Variants in B3GALT1 observed in about 807,000 individuals in gnomAD.
B3GALT1 encodes the protein UDP-Gal:betaGlcNAc beta 1,3-galactosyltransferase, polypeptide 1.
B3GALT1 carries 10 observed loss-of-function variants against 23.2 expected under a neutral mutation model. The observed-to-expected ratio is 0.43, with a 90% CI of 0.27 to 0.73. The LOEUF (loss-of-function observed/expected upper bound fraction) is 0.73, where lower values mean the gene tolerates loss of function less well. Among genes scored for constraint, B3GALT1 ranks in the 30% least tolerant of loss-of-function variants. The pLI, the probability that B3GALT1 is intolerant of heterozygous loss-of-function variation, is 0.21. For synonymous variants in B3GALT1, 156 were observed against 141.5 expected (o/e 1.10, Z -0.73); for missense variants, 299 against 405.4 (o/e 0.74, Z 2.25).
intron 3 of B3GALT1, among the ~76,000 whole-genome samples, chr2:167,723,869 C>A (rs900116825): frequency 6.6e-6 from 1 of 152,168 alleles, no homozygotes. Flanking sequence ...GTTTGAACTT[C>A]ATCTCATTAG....
chr2:167,427,213 G>A (rs1301820805), intron 1 of B3GALT1, among the ~76,000 whole-genome samples: 1 of 152,216 alleles, frequency 6.6e-6, no homozygotes, highest in Non-Finnish European at 1.5e-5. Context: ...GTACTCTGAA[G>A]TGAAGACAGT....
intron 3 of B3GALT1, among the ~76,000 whole-genome samples, chr2:167,688,303 A>T (rs1384149677): frequency 6.6e-6 from 1 of 152,198 alleles, no homozygotes; most frequent in Non-Finnish European, 1.5e-5. Context: ...CAATCAATAG[A>T]TACTAAAACA....
chr2:167,772,671 T>A (rs1688092493), intron 3 of B3GALT1, among the ~76,000 whole-genome samples: 1 of 152,232 alleles, frequency 6.6e-6, no homozygotes, highest in African/African-American at 2.4e-5. Flanking sequence ...GCATATATAT[T>A]TCAGTTTGCA....
chr2:167,686,983 T>A (rs530627314), intron 3 of B3GALT1, among the ~76,000 whole-genome samples: 1 of 152,292 alleles, frequency 6.6e-6, no homozygotes, highest in African/African-American at 2.4e-5. Context: ...CAGGAAGAGA[T>A]CTTTATTGTC....
At position 167,788,096 on chromosome 2, in the gene B3GALT1, G is replaced by A. The variant is rs142677227; in HGVS notation, c.-351-30576G>A. On this transcript the variant is annotated intron_variant, in intron 3 of 4. Coordinates refer to ENST00000392690, the MANE Select transcript of B3GALT1 (RefSeq NM_020981.4). ...GAGAGGAGAAGAGAAAAGTGGAATC[G>A]TGGTGCAAAAGGAGATGCCCCATCC... Among the ~76,000 whole-genome samples, 23 of 152,220 alleles carry A rather than the reference G, an allele frequency of 1.5e-4. No homozygotes were observed. The East Asian group carries it at 1.7e-3, about 12-fold the overall frequency.
chr2:167,396,436 T>C, intron 1 of B3GALT1, among the ~76,000 whole-genome samples: 1 of 151,778 alleles, frequency 6.6e-6, no homozygotes, highest in East Asian at 1.9e-4. Flanking sequence ...ATCTTTACTA[T>C]TTAGAACTCT....
chr2:167,368,896 C>T (rs897327444), intron 1 of B3GALT1, among the ~76,000 whole-genome samples: 3 of 152,102 alleles, frequency 2.0e-5, no homozygotes, highest in South Asian at 4.2e-4. Flanking sequence ...ATGCTTCCCC[C>T]CCCCATGTGA....
chr2:167,512,180 A>G (rs1204936926), intron 2 of B3GALT1, among the ~76,000 whole-genome samples: 1 of 152,060 alleles, frequency 6.6e-6, no homozygotes. Context: ...TCTCATTTCC[A>G]ACATTAGCTG....
At chr2:167,788,034 G>A (rs1017909347) in intron 3 of B3GALT1, among the ~76,000 whole-genome samples, 1 of 152,186 alleles carries the variant, frequency 6.6e-6, no homozygotes, top group Admixed American at 6.5e-5. Flanking sequence ...CCTGGCCCTG[G>A]TGGAGCCAGA....
At chr2:167,674,982 C>G (rs1686397798) in intron 3 of B3GALT1, among the ~76,000 whole-genome samples, 1 of 152,170 alleles carries the variant, frequency 6.6e-6, no homozygotes, top group Non-Finnish European at 1.5e-5. Flanking sequence ...AGCATGGGAC[C>G]TGACCCTGGA....
chr2:167,684,286 T>A (rs1686581395), intron 3 of B3GALT1, among the ~76,000 whole-genome samples: 1 of 152,222 alleles, frequency 6.6e-6, no homozygotes, highest in Non-Finnish European at 1.5e-5. Flanking sequence ...ATAAAATCAC[T>A]GAATATAGTC....
At chr2:167,643,095 C>G (rs921572124) in intron 2 of B3GALT1, among the ~76,000 whole-genome samples, 1 of 152,114 alleles carries the variant, frequency 6.6e-6, no homozygotes, top group Non-Finnish European at 1.5e-5. Flanking sequence ...AGTAGGTTAA[C>G]TTTTATGAAG....
intron 2 of B3GALT1, among the ~76,000 whole-genome samples, chr2:167,601,251 G>A (rs1297621959): frequency 1.3e-5 from 2 of 151,490 alleles, no homozygotes; most frequent in Non-Finnish European, 2.9e-5. Context: ...ATAGAGATGG[G>A]GTGGCCAGGA....
At chr2:167,767,077 T>G (rs1687990025) in intron 3 of B3GALT1, among the ~76,000 whole-genome samples, 1 of 152,318 alleles carries the variant, frequency 6.6e-6, no homozygotes, top group East Asian at 1.9e-4. Context: ...ATTAAAAATT[T>G]CCCTGGAAAG....
At chr2:167,597,317 G>T (rs535037479) in intron 2 of B3GALT1, among the ~76,000 whole-genome samples, 1 of 151,676 alleles carries the variant, frequency 6.6e-6, no homozygotes, top group Non-Finnish European at 1.5e-5. Context: ...GGGTTTCACC[G>T]TGTTAAACAA....
Position 167,568,088 on chromosome 2 carries a change from A to G in B3GALT1, c.-410+77811A>G, listed in dbSNP as rs563167879. ...GTTCATTTCTTTGTAGCACTGAATAATAGTCCATTATCTGGTTGTACCACA... is the reference window on the plus strand; with the variant it reads ...GTTCATTTCTTTGTAGCACTGAATAGTAGTCCATTATCTGGTTGTACCACA... On this transcript the variant is annotated intron_variant, in intron 2 of 4. Coordinates refer to ENST00000392690, the MANE Select transcript of B3GALT1 (RefSeq NM_020981.4). 6.6e-5 allele frequency among the ~76,000 whole-genome samples: 10 copies of G among 152,280 alleles called. No homozygotes were observed. The South Asian group carries it at 1.9e-3, about 28-fold the overall frequency.
intron 2 of B3GALT1, among the ~76,000 whole-genome samples, chr2:167,637,922 CT>C (rs1357982823): frequency 6.6e-6 from 1 of 151,432 alleles, no homozygotes; most frequent in Non-Finnish European, 1.5e-5. Flanking sequence ...CCCATAGTTG[CT>C]GGGCCAATAA....
intron 1 of B3GALT1, among the ~76,000 whole-genome samples, chr2:167,360,854 A>G (rs184788677): frequency 2.6e-5 from 4 of 152,102 alleles, no homozygotes; most frequent in East Asian, 3.9e-4. Context: ...CAGCTCTCCA[A>G]TGCCTCTTCC....
intron 1 of B3GALT1, among the ~76,000 whole-genome samples, chr2:167,453,400 C>T (rs1248128272): frequency 6.6e-6 from 1 of 152,088 alleles, no homozygotes; most frequent in Admixed American, 6.5e-5. Context: ...TCTTTATTCC[C>T]ATTTATATTT....
Sources: allele counts gnomAD v4.1 joint callset (sites outside exome capture counted in the v4.1 genomes callset), GRCh38; gene constraint gnomAD v4.1.1; transcripts MANE v1.5; gene names NCBI Gene and HGNC (gene_info 2026-07-23, HGNC 2026-07-21).